TMEM131: variants seen among roughly 807,000 people sequenced by gnomAD.
The protein encoded by TMEM131 is transmembrane protein 131, also known as 2610524E03Rik.
TMEM131 carries 66 observed loss-of-function variants against 211.6 expected under a neutral mutation model. That is an observed-to-expected ratio of 0.31 (90% CI 0.26 to 0.38). The LOEUF is 0.38. Among genes scored for constraint, TMEM131 ranks in the 10% least tolerant of loss-of-function variants. The pLI is 1.00. For synonymous variants in TMEM131, 844 were observed against 841.3 expected, an observed-to-expected ratio of 1.00 and a Z score of -0.06; for missense variants, 2,036 against 2,299.3, an observed-to-expected ratio of 0.89 and a Z score of 2.34.
At chr2:97,989,502 T>C (rs950740900) in intron 1 of TMEM131, among the ~76,000 whole-genome samples, 4 of 148,454 alleles carry the variant, frequency 2.7e-5, no homozygotes, top group Admixed American at 6.7e-5. Context: ...TTAATGGGTA[T>C]AGACTTCCAG....
intron 12 of TMEM131, among the ~76,000 whole-genome samples, chr2:97,815,825 T>C (rs1170808339): frequency 6.6e-6 from 1 of 152,182 alleles, no homozygotes; most frequent in Non-Finnish European, 1.5e-5. Flanking sequence ...CCTGCTGATT[T>C]ACACTTGAAC....
At chr2:97,927,715 A>G (rs922177398) in intron 1 of TMEM131, among the ~76,000 whole-genome samples, 1 of 152,232 alleles carries the variant, frequency 6.6e-6, no homozygotes, top group Non-Finnish European at 1.5e-5. Flanking sequence ...GGCTATATGC[A>G]TCAACTTCAA....
At position 97,795,066 on chromosome 2, in the gene TMEM131, T is replaced by G; in HGVS notation, c.3250A>C (p.Ile1084Leu). ...ASRVIRELKF[I>L]TTSGSEFVFI... ...ACAAACTCAGAGCCACTGGTTGTTA[T>G]AAACTTCAGTTCCCGAATAACTCTA... Residue 1084 changes from isoleucine to leucine, a missense_variant, in exon 29 of 41, where the codon ATA becomes CTA. Physicochemically the swap from Ile to Leu is conservative, Grantham distance 5. Transcript: ENST00000186436. 1 of 1,613,948 alleles carries G rather than the reference T, an allele frequency of 6.2e-7. No individual in the cohort carries two copies. Among genetic ancestry groups the G allele is most frequent in the South Asian group, 1.1e-5 (1 of 91,060 alleles).
At chr2:97,889,822 T>C (rs1328776456) in intron 3 of TMEM131, among the ~76,000 whole-genome samples, 2 of 152,152 alleles carry the variant, frequency 1.3e-5, no homozygotes, top group Non-Finnish European at 2.9e-5. Context: ...TTACCGTCTA[T>C]TGGCTGGGGC....
intron 1 of TMEM131, among the ~76,000 whole-genome samples, chr2:97,969,887 C>T (rs62156527): frequency 0.072 from 10,915 of 152,258 alleles, 464 homozygotes; most frequent in Middle Eastern, 0.12. Flanking sequence ...CTAAATGTTA[C>T]TCAGTGCCTT....
chr2:97,772,302 T>C lies in TMEM131; in HGVS notation c.4443A>G (p.Lys1481=), dbSNP rs1679504601. ...NIKKEIPTDV[K]PSSLELPYTP... is the part of the protein sequence containing the mutation. ...TGTACACTTATTTCTCTCACCTGGGTTTCACATCTGTTGGGATTTCTTTCT... is the reference window on the plus strand; with the variant it reads ...TGTACACTTATTTCTCTCACCTGGGCTTCACATCTGTTGGGATTTCTTTCT... The change falls in exon 33 of 41, where the codon AAA becomes AAG. Residue 1481 remains lysine, a synonymous_variant. Coordinates refer to ENST00000186436, the MANE Select transcript of TMEM131 (RefSeq NM_015348.2). 3 of 1,600,662 alleles carry C rather than the reference T, an allele frequency of 1.9e-6. No homozygotes were observed. The highest frequency in any genetic ancestry group is 2.5e-6 in the Non-Finnish European group (3 of 1,176,934).
chr2:97,891,269 TTAC>T (rs1675363888), intron 3 of TMEM131, among the ~76,000 whole-genome samples: 1 of 152,170 alleles, frequency 6.6e-6, no homozygotes, highest in African/African-American at 2.4e-5. Context: ...ATTATTATTA[TTAC>T]TATTTTTGAG....
At chr2:97,838,483 C>T (rs550571130) in intron 7 of TMEM131, among the ~76,000 whole-genome samples, 8 of 121,078 alleles carry the variant, frequency 6.6e-5, no homozygotes, top group East Asian at 2.9e-4. Context: ...CTCGCCCTGT[C>T]GCTCAGGCTG....
At chr2:97,896,372 T>G (rs1320198217) in intron 3 of TMEM131, among the ~76,000 whole-genome samples, 2 of 152,176 alleles carry the variant, frequency 1.3e-5, no homozygotes, top group African/African-American at 4.8e-5. Context: ...AGATGTCTAT[T>G]AGGTTTGCTT....
intron 1 of TMEM131, among the ~76,000 whole-genome samples, chr2:97,930,861 AAAC>A (rs988367443): frequency 1.3e-5 from 2 of 151,982 alleles, no homozygotes; most frequent in South Asian, 2.1e-4. Context: ...TTCAAGCATC[AAAC>A]AACTGTAATT....
chr2:97,759,579 C>A, intron 39 of TMEM131, 73 bp downstream of exon 39: 1 of 1,326,974 alleles, frequency 7.5e-7, no homozygotes, highest in Non-Finnish European at 1.1e-6. Context: ...TTCTCCAGCA[C>A]ACAAAACCAC....
At position 97,772,331 on chromosome 2, in the gene TMEM131, T is replaced by C. The variant is rs754177565; in HGVS notation, c.4414A>G (p.Ile1472Val). The C allele has an allele frequency of 1.2e-6, 2 of 1,602,648 alleles. No individual in the cohort carries two copies. The highest frequency in any genetic ancestry group is 2.3e-5 in the South Asian group (2 of 87,722). ...ACATCTGTTGGGATTTCTTTCTTAA[T>C]ATTTAAGAGTTTTTTGCTTTTTTGC... is the stretch of plus-strand genomic sequence containing the variant. ...VKQKSKKLLNIKKEIPTDVKP... is the reference protein window; with the variant it reads ...VKQKSKKLLNVKKEIPTDVKP... The change falls in exon 33 of 41, where the codon ATT becomes GTT. Residue 1472 changes from isoleucine to valine, a missense_variant. Ile to Val is a conservative substitution (Grantham distance 29). Around this residue, in one of 3 missense-constraint regions of TMEM131, gnomAD observed 1,623 missense variants for 1,805.9 expected, o/e 0.90. Transcript: ENST00000186436.
intron 3 of TMEM131, among the ~76,000 whole-genome samples, chr2:97,902,887 G>A (rs754002194): frequency 7.2e-5 from 11 of 152,072 alleles, no homozygotes; most frequent in Non-Finnish European, 1.6e-4. Flanking sequence ...GATGGTTCTC[G>A]CCCTTGAACG....
At chr2:97,793,177 T>C in intron 30 of TMEM131, 193 bp from the exon 31 acceptor site, 1 of 641,066 alleles carries the variant, frequency 1.6e-6, no homozygotes, top group Non-Finnish European at 2.6e-6. Context: ...CCATCAGTGA[T>C]CTAACTAAAA....
At chr2:97,822,228 T>A (rs1225015880) in intron 11 of TMEM131, among the ~76,000 whole-genome samples, 1 of 143,714 alleles carries the variant, frequency 7.0e-6, no homozygotes, top group African/African-American at 2.7e-5. Context: ...GACTCACCAA[T>A]CAAAGACATA....
chr2:97,756,951 G>T lies in TMEM131; in HGVS notation c.*148C>A. On this transcript the variant is annotated 3_prime_UTR_variant, in exon 41 of 41. Coordinates refer to ENST00000186436, the MANE Select transcript of TMEM131 (RefSeq NM_015348.2). The stretch of plus-strand genomic sequence containing the variant: ...AAGAAAGATCTGAAAGAAGCGAGTG[G>T]TCTGAGCCTGCCCTGCTTGGGTCTG... The T allele has an allele frequency of 1.2e-6, 1 of 865,580 alleles. No homozygotes were observed. The highest frequency in any genetic ancestry group is 1.7e-6 in the Non-Finnish European group (1 of 592,082). 53.6% of individuals were successfully genotyped at this position (865,580 alleles called of 1,614,324 possible). A position where few individuals can be genotyped will look rare whatever the true frequency, so the allele number is the denominator to read the frequency against.
chr2:97,834,593 T>A (rs1367806636), intron 10 of TMEM131, 28 bp downstream of exon 10: 8 of 1,467,956 alleles, frequency 5.4e-6, no homozygotes, highest in South Asian at 5.4e-5. Context: ...AAAAACTCCA[T>A]AAAGACTCTT....
rs187490624 is a variant in TMEM131, at chr2:97,838,760, G to T, written c.724-1603C>A. 9.4e-4 allele frequency among the ~76,000 whole-genome samples: 142 copies of T among 151,494 alleles called. 1 individual carries two copies. The East Asian group carries it at 0.021, about 23-fold the overall frequency. ...GCCTGGACCCTTAAAGGTTTTTTTTGTTTGTTTGTTTTTTTGGCAGGGGCC... is the reference window on the plus strand; with the variant it reads ...GCCTGGACCCTTAAAGGTTTTTTTTTTTTGTTTGTTTTTTTGGCAGGGGCC... On this transcript the variant is annotated intron_variant, in intron 7 of 40. Transcript: ENST00000186436.
chr2:97,809,390 C>A (rs1008727861), intron 19 of TMEM131, among the ~76,000 whole-genome samples: 1 of 152,178 alleles, frequency 6.6e-6, no homozygotes, highest in Non-Finnish European at 1.5e-5. Context: ...GCTCCCATAG[C>A]CCCTGCATCA....
Sources: allele counts gnomAD v4.1 joint callset (sites outside exome capture counted in the v4.1 genomes callset), GRCh38; gene constraint gnomAD v4.1.1; regional missense constraint gnomAD v4.1.1; transcripts MANE v1.5; gene names NCBI Gene and HGNC (gene_info 2026-07-23, HGNC 2026-07-21).